The following HEATR3 variants were observed in gnomAD, a reference collection of about 807,000 sequenced individuals.
The protein encoded by HEATR3 is HEAT repeat-containing protein 3.
HEATR3 carries 56 observed loss-of-function variants against 72.8 expected under a neutral mutation model. The ratio of observed to expected loss-of-function variants is 0.77; its 90% CI spans 0.62 to 0.96. HEATR3 has a LOEUF of 0.96. Among genes scored for constraint, HEATR3 ranks in the 40% least tolerant of loss-of-function variants. HEATR3 has a pLI of 0.00. For synonymous variants in HEATR3, 331 were observed against 318.1 expected (o/e 1.04, Z -0.43); for missense variants, 747 against 831.4 (o/e 0.90, Z 1.25).
At chr16:50,071,776 G>A (rs1005970218) in intron 4 of HEATR3, among the ~76,000 whole-genome samples, 2 of 152,212 alleles carry the variant, frequency 1.3e-5, no homozygotes, top group African/African-American at 4.8e-5. Context: ...CTCTGTTAGC[G>A]TGTCATGTGT....
At position 50,066,579 on chromosome 16, in the gene HEATR3, C is replaced by A. The variant is rs531786827; in HGVS notation, c.311+40C>A. On this transcript the variant is annotated intron_variant, in intron 2 of 14. Coordinates refer to ENST00000299192, the MANE Select transcript of HEATR3 (RefSeq NM_182922.4). ...GTGCGGGGCGGTGCCCACCGCTGGC[C>A]TCCCCCGCGTCTGGGCTGCGGGCGG... 5.5e-6 allele frequency: 7 copies of A among 1,266,868 alleles called. No individual in the cohort carries two copies. The East Asian group carries it at 2.2e-4, about 40-fold the overall frequency. The allele number at this position is 1,266,868 out of a possible 1,614,324, so 78.5% of individuals were successfully genotyped here. A position where few individuals can be genotyped will look rare whatever the true frequency, so the allele number is the denominator to read the frequency against.
chr16:50,092,220 C>T (rs557497078), intron 11 of HEATR3, among the ~76,000 whole-genome samples: 11 of 151,960 alleles, frequency 7.2e-5, no homozygotes, highest in Non-Finnish European at 1.3e-4. Context: ...CCTGTGGTCC[C>T]AGCTACTCGG....
At chr16:50,095,668 CA>C (rs1022282496) in intron 12 of HEATR3, among the ~76,000 whole-genome samples, 1 of 152,008 alleles carries the variant, frequency 6.6e-6, no homozygotes, top group Non-Finnish European at 1.5e-5. Flanking sequence ...GCTGGGATTA[CA>C]GGTGTGCGCT....
At chr16:50,082,212 G>A (rs2036882501) in intron 7 of HEATR3, among the ~76,000 whole-genome samples, 1 of 152,132 alleles carries the variant, frequency 6.6e-6, no homozygotes, top group Admixed American at 6.5e-5. Flanking sequence ...GAATGGTGGT[G>A]CATGCCTGTA....
chr16:50,070,327 AG>A, intron 4 of HEATR3, 37 bp downstream of exon 4: 1 of 1,046,166 alleles, frequency 9.6e-7, no homozygotes, highest in Non-Finnish European at 1.5e-6. Context: ...CTGCTATAGC[AG>A]TACCCAGGCT....
intron 11 of HEATR3, among the ~76,000 whole-genome samples, chr16:50,094,381 A>T (rs1255580287): frequency 2.6e-5 from 4 of 152,210 alleles, no homozygotes; most frequent in African/African-American, 9.6e-5. Context: ...GACAGAATTC[A>T]GTCTGCAAAA....
In HEATR3 at chr16:50,066,447, G is replaced by C. The variant is rs1185716692; in HGVS notation, c.219G>C (p.Pro73=). ...TGGTGCAGCAGCGGCCGGCACTCCC[G>C]GGCCTGGCGCGACGAGACGCCGTGC... ...ARLVQQRPAL[P]GLARRDAVRR... The change falls in exon 2 of 15, where the codon CCG becomes CCC. Residue 73 remains proline (P), a synonymous_variant. Transcript: ENST00000299192. The C allele has an allele frequency of 3.6e-6, 5 of 1,397,952 alleles. No homozygotes were observed. The highest frequency in any genetic ancestry group is 4.6e-6 in the Non-Finnish European group (5 of 1,084,974). 86.6% of individuals were successfully genotyped at this position (1,397,952 alleles called of 1,614,324 possible). A position where few individuals can be genotyped will look rare whatever the true frequency, so the allele number is the denominator to read the frequency against.
intron 13 of HEATR3, among the ~76,000 whole-genome samples, chr16:50,101,562 T>G (rs1466278651): frequency 1.3e-5 from 2 of 152,228 alleles, no homozygotes; most frequent in Non-Finnish European, 1.5e-5. Context: ...TCTCTTAATC[T>G]TGAACAGTTC....
chr16:50,068,715 A>G (rs2036550307), intron 2 of HEATR3, 65 bp from the exon 3 acceptor site: 3 of 804,932 alleles, frequency 3.7e-6, no homozygotes, highest in Non-Finnish European at 6.0e-6. Flanking sequence ...TAGAAATGTG[A>G]GAGGGTAGAA....
intron 14 of HEATR3, among the ~76,000 whole-genome samples, chr16:50,104,711 C>T (rs1365549094): frequency 6.6e-6 from 1 of 152,148 alleles, no homozygotes; most frequent in Admixed American, 6.5e-5. Context: ...TAACTCCTAC[C>T]ACCTGCCATT....
At chr16:50,082,040 TC>T (rs1479229854) in intron 7 of HEATR3, among the ~76,000 whole-genome samples, 7 of 152,144 alleles carry the variant, frequency 4.6e-5, no homozygotes, top group Non-Finnish European at 8.8e-5. Flanking sequence ...ATTTCAGAGT[TC>T]CTTTTAAGCC....
intron 7 of HEATR3, among the ~76,000 whole-genome samples, chr16:50,082,726 A>G (rs2036894116): frequency 6.7e-6 from 1 of 150,006 alleles, no homozygotes; most frequent in Non-Finnish European, 1.5e-5. Context: ...TTTCAAGACC[A>G]GCTTGGGCAA....
At chr16:50,083,136 A>G (rs1023235841) in intron 7 of HEATR3, among the ~76,000 whole-genome samples, 5 of 150,518 alleles carry the variant, frequency 3.3e-5, no homozygotes, top group African/African-American at 1.2e-4. Context: ...TCTGTCTCTA[A>G]GGGGGAAAAA....
In HEATR3 at chr16:50,105,043, G is replaced by T; in HGVS notation, c.2025G>T (p.Glu675Asp). ...RRFIAYQETV[E>D]KRLTS ...TTATTGCTTATCAAGAAACTGTTGAGAAAAGACTGACTTCTTAAACAATCC... is the reference window on the plus strand; with the variant it reads ...TTATTGCTTATCAAGAAACTGTTGATAAAAGACTGACTTCTTAAACAATCC... Residue 675 changes from glutamate (E) to aspartate (D), a missense_variant, in exon 15 of 15, where the codon GAG becomes GAT. By Grantham distance (45) the Glu-to-Asp change is conservative (BLOSUM62 2). Transcript: ENST00000299192. 6.2e-7 allele frequency: 1 copy of T among 1,611,416 alleles called. No homozygotes were observed. Among genetic ancestry groups the T allele is most frequent in the South Asian group, 1.1e-5 (1 of 90,068 alleles).
Position 50,086,238 on chromosome 16 carries a change from C to T in HEATR3, c.1397C>T (p.Ala466Val), listed in dbSNP as rs147309572. 6.3e-7 allele frequency: 1 copy of T among 1,579,304 alleles called. No individual in the cohort carries two copies. The highest frequency in any genetic ancestry group is 8.6e-7 in the Non-Finnish European group (1 of 1,160,962). Residue 466 changes from alanine to valine, a missense_variant, in exon 11 of 15, where the codon GCC becomes GTC. Transcript: ENST00000299192. ...AGAATGAACACTATTCAGTGCAGAGCCCTCTTCTGTCTCCAGAGTCTTGTG... is the reference window on the plus strand; with the variant it reads ...AGAATGAACACTATTCAGTGCAGAGTCCTCTTCTGTCTCCAGAGTCTTGTG... ...IRKMNTIQCR[A>V]LFCLQSLVSL...
rs747012098 is a variant in HEATR3 at position 50,078,799 on chromosome 16, T to C, written c.822T>C (p.Asn274=). 3 of 1,614,076 alleles carry C rather than the reference T, an allele frequency of 1.9e-6. No individual in the cohort carries two copies. Among genetic ancestry groups the C allele is most frequent in the Non-Finnish European group, 1.7e-6 (2 of 1,179,986 alleles). Reference sequence around the variant, plus strand: ...GCAAGAGTCAAGCAGAAATCATAAATGCCTTACTAAAGATCTTATCTGAAG... The same window carrying C: ...GCAAGAGTCAAGCAGAAATCATAAACGCCTTACTAAAGATCTTATCTGAAG... ...IPCKSQAEII[N]ALLKILSEVL... is the part of the protein sequence containing the mutation. Residue 274 remains asparagine (N), a synonymous_variant, in exon 7 of 15, where the codon AAT becomes AAC. Coordinates refer to ENST00000299192, the MANE Select transcript of HEATR3 (RefSeq NM_182922.4).
chr16:50,083,915 T>C (rs1228500772), intron 7 of HEATR3, 22 bp from the exon 8 acceptor site: 6 of 1,513,336 alleles, frequency 4.0e-6, no homozygotes, highest in Non-Finnish European at 5.3e-6. Context: ...GTTGGTCATT[T>C]ACTTTTTTTT....
At chr16:50,092,679 T>C (rs1597167506) in intron 11 of HEATR3, among the ~76,000 whole-genome samples, 2 of 151,956 alleles carry the variant, frequency 1.3e-5, no homozygotes, top group African/African-American at 4.8e-5. Flanking sequence ...CCTGACCTCA[T>C]GATCGGCCCA....
At chr16:50,068,210 G>T (rs759263207) in intron 2 of HEATR3, among the ~76,000 whole-genome samples, 13 of 152,202 alleles carry the variant, frequency 8.5e-5, no homozygotes, top group Non-Finnish European at 1.8e-4. Context: ...CTGTGTACTC[G>T]GAAGTCATGT....
Sources: gnomAD v4.1 joint callset for allele counts (sites outside exome capture counted in the v4.1 genomes callset) on GRCh38, gnomAD v4.1.1 for gene constraint, MANE v1.5 for transcripts, NCBI Gene and HGNC (gene_info 2026-07-23, HGNC 2026-07-21) for gene names.